Variants in DST observed in about 807,000 individuals in gnomAD.
DST encodes bullous pemphigoid antigen.
Under a neutral mutation model 875.2 loss-of-function variants are expected in DST, and 253 were observed. That is an observed-to-expected ratio of 0.29 (90% CI 0.26 to 0.32). DST has a LOEUF of 0.32. Ranked by LOEUF, DST falls within the 10% of genes least tolerant of loss-of-function variation. The probability of loss-of-function intolerance (pLI) is 1.00; values close to 1 mark genes in which losing one functional copy is unlikely to be tolerated. For missense variants in DST, 8,287 were observed against 9,111.6 expected (o/e 0.91, Z 3.68); for synonymous variants, 3,124 against 3,197.1 (o/e 0.98, Z 0.77).
intron 58 of DST, among the ~76,000 whole-genome samples, chr6:56,557,944 C>T (rs2097455802): frequency 6.6e-6 from 1 of 152,102 alleles, no homozygotes; most frequent in Admixed American, 6.6e-5. Flanking sequence ...TATTCTTTCC[C>T]ATTCAAATTA....
intron 4 of DST, among the ~76,000 whole-genome samples, chr6:56,832,662 G>C (rs2099788543): frequency 6.6e-6 from 1 of 151,594 alleles, no homozygotes; most frequent in African/African-American, 2.4e-5. Flanking sequence ...GCTTCAAGAG[G>C]TATAAAATTC....
At chr6:56,766,148 G>A (rs1317746329) in intron 4 of DST, among the ~76,000 whole-genome samples, 1 of 152,182 alleles carries the variant, frequency 6.6e-6, no homozygotes, top group Non-Finnish European at 1.5e-5. Context: ...TTTGTAGAAA[G>A]CTTACATGCC....
chr6:56,468,588 T>C (rs907295359), intron 98 of DST, among the ~76,000 whole-genome samples: 1 of 152,166 alleles, frequency 6.6e-6, no homozygotes, highest in African/African-American at 2.4e-5. Context: ...TCAGCTACTG[T>C]AGACCGTATG....
At chr6:56,645,146 A>T (rs991912153) in intron 15 of DST, among the ~76,000 whole-genome samples, 12 of 152,208 alleles carry the variant, frequency 7.9e-5, no homozygotes, top group Non-Finnish European at 1.6e-4. Flanking sequence ...TGTCTTTATT[A>T]GCAGCGTGAG....
At chr6:56,950,509 A>G (rs55952713) in intron 2 of DST, among the ~76,000 whole-genome samples, 19,563 of 152,200 alleles carry the variant, frequency 0.13, 1,468 homozygotes, top group Middle Eastern at 0.21. Context: ...GTTTACCATT[A>G]TTTAAAGTCA....
intron 64 of DST, 37 bp from the exon 65 acceptor site, chr6:56,530,170 A>G: frequency 6.8e-7 from 1 of 1,477,190 alleles, no homozygotes; most frequent in Non-Finnish European, 9.0e-7. Flanking sequence ...GGGATGAAGA[A>G]TGTGTGAAAT....
At chr6:56,836,060 AAC>A (rs1008133981) in intron 4 of DST, among the ~76,000 whole-genome samples, 1 of 152,222 alleles carries the variant, frequency 6.6e-6, no homozygotes, top group Non-Finnish European at 1.5e-5. Context: ...ACTAAGACAC[AAC>A]AGTTTGACTT....
Position 56,463,593 on chromosome 6 carries a change from G to C in DST, c.22931C>G (p.Pro7644Arg). Residue 7644 changes from proline to arginine, a missense_variant, in exon 101 of 104, where the codon CCA (proline) becomes CGA (arginine). This residue lies in a region of DST where 240 missense variants were observed against 237.3 expected (regional missense o/e 1.01). Coordinates refer to ENST00000680361, the MANE Select transcript of DST (RefSeq NM_001374736.1). Reference sequence around the variant, plus strand: ...GGGTGTGGTGGTGGCAGGGACCTGTGGGGAGGCCGCCTGCGCAGCCTGACT... The same window carrying C: ...GGGTGTGGTGGTGGCAGGGACCTGTCGGGAGGCCGCCTGCGCAGCCTGACT... ...VSSQAAQAAS[P>R]QVPATTTPKI... The C allele has an allele frequency of 1.2e-6, 2 of 1,602,560 alleles. No individual in the cohort carries two copies. The highest frequency in any genetic ancestry group is 1.1e-5 in the South Asian group (1 of 89,704).
At chr6:56,560,745 A>G (rs1584940297) in intron 57 of DST, among the ~76,000 whole-genome samples, 1 of 152,170 alleles carries the variant, frequency 6.6e-6, no homozygotes, top group African/African-American at 2.4e-5. Context: ...AAATTATAAT[A>G]AATAAGAAAA....
chr6:56,528,782 A>G, intron 67 of DST, 59 bp downstream of exon 67: 1 of 1,234,514 alleles, frequency 8.1e-7, no homozygotes, highest in South Asian at 1.4e-5. Flanking sequence ...TCCCTAAAAT[A>G]TTTTGAAAAC....
intron 4 of DST, among the ~76,000 whole-genome samples, chr6:56,798,735 A>C (rs1412699400): frequency 6.6e-6 from 1 of 152,226 alleles, no homozygotes; most frequent in Admixed American, 6.5e-5. Context: ...AATTCAATTG[A>C]AAATATTCTG....
chr6:56,912,593 C>T (rs1303346961), intron 2 of DST, among the ~76,000 whole-genome samples: 2 of 152,184 alleles, frequency 1.3e-5, no homozygotes, highest in Non-Finnish European at 2.9e-5. Context: ...GCAAGCAACA[C>T]CAAAACCTCA....
rs551283399 is a variant in DST, at chr6:56,822,050, T to A, written c.625+29347A>T. Among the ~76,000 whole-genome samples, 6 of 152,306 alleles carry A rather than the reference T, an allele frequency of 3.9e-5. 1 individual carries two copies. Among genetic ancestry groups the A allele is most frequent in the African/African-American group, 1.4e-4 (6 of 41,556 alleles). On this transcript the variant is annotated intron_variant, in intron 4 of 103. Transcript: ENST00000680361. The stretch of plus-strand genomic sequence containing the variant: ...TTATAAGCCCACAACATTTCTATAG[T>A]CTATCTAATTCTAAAGAAAATTCAT...
At chr6:56,801,025 GAAAAAAAA>G (rs34514599) in intron 4 of DST, among the ~76,000 whole-genome samples, 3 of 66,966 alleles carry the variant, frequency 4.5e-5, no homozygotes, top group Non-Finnish European at 8.5e-5. Flanking sequence ...GTCTCAGGGA[GAAAAAAAA>G]AAAAAAAAAA....
At chr6:56,805,924 T>C (rs2099752468) in intron 4 of DST, among the ~76,000 whole-genome samples, 1 of 152,208 alleles carries the variant, frequency 6.6e-6, no homozygotes, top group East Asian at 1.9e-4. Context: ...TACAAAAATG[T>C]AGACATCACA....
chr6:56,646,128 T>C lies in DST; in HGVS notation c.1609A>G (p.Thr537Ala). Reference sequence around the variant, plus strand: ...AGACGTTTAATTTTTGATTTTTCTGTCTCCTTTGGTGGAATTTCTGTTTCT... The same window carrying C: ...AGACGTTTAATTTTTGATTTTTCTGCCTCCTTTGGTGGAATTTCTGTTTCT... ...FKETEIPPKETEKSKIKRLYK... is the reference protein window; with the variant it reads ...FKETEIPPKEAEKSKIKRLYK... Residue 537 changes from threonine to alanine, a missense_variant, in exon 14 of 104, where the codon ACA (threonine) becomes GCA (alanine). By Grantham distance (58) the Thr-to-Ala change is moderately conservative. Around this residue, in one of 10 missense-constraint regions of DST, gnomAD observed 1,160 missense variants for 1,424.3 expected, o/e 0.81. Transcript: ENST00000680361. The C allele has an allele frequency of 1.3e-6, 2 of 1,541,322 alleles. No homozygotes were observed. Among genetic ancestry groups the C allele is most frequent in the Non-Finnish European group, 1.8e-6 (2 of 1,134,910 alleles).
chr6:56,597,317 C>G (rs1035594714), intron 47 of DST, among the ~76,000 whole-genome samples: 20 of 151,782 alleles, frequency 1.3e-4, no homozygotes, highest in African/African-American at 4.6e-4. Context: ...GTTTTAAATC[C>G]AAATTCCAGC....
At chr6:56,618,352 C>G in intron 36 of DST, 1 of 1,614,130 alleles carries the variant, frequency 6.2e-7, no homozygotes, top group Non-Finnish European at 8.5e-7. Context: ...TAGAGGACAG[C>G]TCTCCAGAGT....
Position 56,843,441 on chromosome 6 carries a change from G to T in DST, c.625+7956C>A, listed in dbSNP as rs1049668310. Reference sequence around the variant, plus strand: ...GCAAATCTCAGCGAGCCCAGGGGCGGCGACGAGCAGCGCCACGCCAAGCGG... The same window carrying T: ...GCAAATCTCAGCGAGCCCAGGGGCGTCGACGAGCAGCGCCACGCCAAGCGG... On this transcript the variant is annotated intron_variant, in intron 4 of 103. Coordinates refer to ENST00000680361, the MANE Select transcript of DST (RefSeq NM_001374736.1). The T allele has an allele frequency of 6.8e-6, 7 of 1,026,462 alleles. No homozygotes were observed. In the African/African-American group the frequency reaches 1.2e-4, roughly 17 times the overall value. 63.6% of individuals were successfully genotyped at this position (1,026,462 alleles called of 1,614,324 possible).
Sources: gnomAD v4.1 joint callset for allele counts (sites outside exome capture counted in the v4.1 genomes callset) on GRCh38, gnomAD v4.1.1 for gene constraint, gnomAD v4.1.1 regional missense constraint, MANE v1.5 for transcripts, NCBI Gene and HGNC (gene_info 2026-07-23, HGNC 2026-07-21) for gene names.